Variants in LRP2 observed in about 807,000 individuals in gnomAD.
The protein encoded by LRP2 is low-density lipoprotein receptor-related protein 2.
Under a neutral mutation model 531.0 loss-of-function variants are expected in LRP2, and 172 were observed. That is an observed-to-expected ratio of 0.32 (90% CI 0.29 to 0.37). LRP2 has a LOEUF of 0.37. Ranked by LOEUF, LRP2 falls within the 10% of genes least tolerant of loss-of-function variation. The pLI is 1.00. For synonymous variants in LRP2, 1,992 were observed against 2,027.6 expected (o/e 0.98, Z 0.47); for missense variants, 5,167 against 5,868.3 (o/e 0.88, Z 3.90).
chr2:169,254,643 T>TA (rs528767921), intron 19 of LRP2, among the ~76,000 whole-genome samples: 29,295 of 73,208 alleles, frequency 0.4, 8,300 homozygotes, highest in Non-Finnish European at 0.44. Flanking sequence ...TAGAGTATAA[T>TA]AAAAAAAAAA....
intron 26 of LRP2, 47 bp downstream of exon 26, chr2:169,239,480 G>A (rs201155233): frequency 1.9e-6 from 3 of 1,613,628 alleles, no homozygotes; most frequent in East Asian, 4.5e-5. Context: ...TTGATTTTAA[G>A]CTCTGGGATG....
intron 30 of LRP2, 86 bp from the exon 31 acceptor site, chr2:169,231,928 A>G (rs1159663198): frequency 6.5e-7 from 1 of 1,530,038 alleles, no homozygotes. Flanking sequence ...GTGTCCTTCC[A>G]GAGGCCCCAG....
intron 1 of LRP2, among the ~76,000 whole-genome samples, chr2:169,331,244 C>CA (rs1685256267): frequency 6.6e-6 from 1 of 152,078 alleles, no homozygotes; most frequent in Admixed American, 6.6e-5. Flanking sequence ...ATTATCAGAG[C>CA]AAAAAAATAA....
At chr2:169,214,647 A>G (rs981762690) in intron 35 of LRP2, among the ~76,000 whole-genome samples, 9 of 152,158 alleles carry the variant, frequency 5.9e-5, no homozygotes, top group Non-Finnish European at 1.2e-4. Flanking sequence ...GAATATAAGA[A>G]ACATGAGCCT....
At chr2:169,209,694 T>G in intron 37 of LRP2, 53 bp from the exon 38 acceptor site, 1 of 1,546,192 alleles carries the variant, frequency 6.5e-7, no homozygotes, top group Non-Finnish European at 8.9e-7. Flanking sequence ...ATTAGAACTT[T>G]TAAATGTCTG....
chr2:169,335,827 A>G (rs754888379), intron 1 of LRP2, among the ~76,000 whole-genome samples: 1 of 152,182 alleles, frequency 6.6e-6, no homozygotes, highest in Non-Finnish European at 1.5e-5. Context: ...CAGCCTGGCC[A>G]GCATGGCAAA....
chr2:169,301,288 C>A (rs1271592361), intron 4 of LRP2, among the ~76,000 whole-genome samples: 4 of 151,744 alleles, frequency 2.6e-5, no homozygotes, highest in Non-Finnish European at 5.9e-5. Context: ...ATTGAATGAC[C>A]TATAATTGCT....
Position 169,257,162 on chromosome 2 carries a change from A to T in LRP2, c.2601T>A (p.Thr867=). The change falls in exon 18 of 79, where the codon ACT becomes ACA. Residue 867 remains threonine (T), a synonymous_variant. Coordinates refer to ENST00000649046, the MANE Select transcript of LRP2 (RefSeq NM_004525.3). ...DGSHLLPVIN[T]TLGWPNGLAI... is the part of the protein sequence containing the mutation. ...CCAAGCCATTGGGCCATCCAAGAGT[A>T]GTGTTTATTACAGGCAAGAGGTGAG... is the stretch of plus-strand genomic sequence containing the variant. 1 of 1,612,972 alleles carries T rather than the reference A, an allele frequency of 6.2e-7. No individual in the cohort carries two copies. The highest frequency in any genetic ancestry group is 8.5e-7 in the Non-Finnish European group (1 of 1,179,218).
At chr2:169,176,074 G>A (rs1199025646) in intron 54 of LRP2, among the ~76,000 whole-genome samples, 3 of 152,232 alleles carry the variant, frequency 2.0e-5, no homozygotes, top group African/African-American at 7.2e-5. Context: ...GGAAAAGACA[G>A]TGAAATTCTA....
At chr2:169,225,184 A>G (rs943114683) in intron 33 of LRP2, 126 bp downstream of exon 33, 18 of 969,806 alleles carry the variant, frequency 1.9e-5, no homozygotes, top group Non-Finnish European at 2.5e-5. Context: ...GTTAACACTA[A>G]TATCTTTTCC....
rs184288965 is a variant in LRP2, at chr2:169,269,740, C to A, written c.2320+1164G>T. On this transcript the variant is annotated intron_variant, in intron 16 of 78. Transcript: ENST00000649046. ...ACACCAAAAGCAATGGCAACAAAAGCCAAAATTGACAAATGGGATCTAATT... is the reference window on the plus strand; with the variant it reads ...ACACCAAAAGCAATGGCAACAAAAGACAAAATTGACAAATGGGATCTAATT... Among the ~76,000 whole-genome samples, 13 of 152,190 alleles carry A rather than the reference C, an allele frequency of 8.5e-5. No homozygotes were observed. In the East Asian group the frequency reaches 1.7e-3, roughly 20 times the overall value.
chr2:169,222,887 A>T (rs1689069709), intron 33 of LRP2, among the ~76,000 whole-genome samples: 2 of 152,172 alleles, frequency 1.3e-5, no homozygotes, highest in South Asian at 4.1e-4. Flanking sequence ...GCTCACAAGT[A>T]ACCATGAATG....
intron 3 of LRP2, among the ~76,000 whole-genome samples, chr2:169,311,076 T>G (rs895891201): frequency 1.1e-4 from 16 of 152,206 alleles, no homozygotes; most frequent in Non-Finnish European, 1.8e-4. Flanking sequence ...ATTGTGTCTA[T>G]TTGATTCTTC....
At position 169,314,245 on chromosome 2, in the gene LRP2, A is replaced by T. The variant is rs571681461; in HGVS notation, c.310+4517T>A. ...GATCCTTATATCTTAAAAGAAAAAA[A>T]AAATAAATTTAGCTGGGCACAGTGG... On this transcript the variant is annotated intron_variant, in intron 3 of 78. Transcript: ENST00000649046. Among the ~76,000 whole-genome samples the T allele has an allele frequency of 3.5e-3, 485 of 140,472 alleles. 2 individuals carry two copies. Among genetic ancestry groups the T allele is most frequent in the African/African-American group, 0.013 (455 of 34,240 alleles). 92.2% of individuals were successfully genotyped at this position (140,472 alleles called of 152,430 possible). A position where few individuals can be genotyped will look rare whatever the true frequency, so the allele number is the denominator to read the frequency against.
intron 1 of LRP2, among the ~76,000 whole-genome samples, chr2:169,332,926 G>C (rs1685304718): frequency 6.6e-6 from 1 of 152,202 alleles, no homozygotes; most frequent in African/African-American, 2.4e-5. Context: ...ATGAATAACT[G>C]AGTTGCACAC....
chr2:169,193,402 G>T (rs1687895907), intron 47 of LRP2, among the ~76,000 whole-genome samples: 1 of 144,630 alleles, frequency 6.9e-6, no homozygotes, highest in Non-Finnish European at 1.5e-5. Context: ...CTGCACTCCA[G>T]CCTGGGCAAC....
chr2:169,293,963 C>T (rs1039238556), intron 6 of LRP2, among the ~76,000 whole-genome samples, 185 bp downstream of exon 6: 1 of 152,098 alleles, frequency 6.6e-6, no homozygotes, highest in African/African-American at 2.4e-5. Context: ...GGTCGAGCAA[C>T]ACCACAAAGG....
At chr2:169,235,689 T>C (rs767504861) in intron 29 of LRP2, 151 bp downstream of exon 29, 19 of 694,744 alleles carry the variant, frequency 2.7e-5, no homozygotes, top group Non-Finnish European at 4.4e-5. Flanking sequence ...TCATATGGGA[T>C]AGACTGCCTC....
chr2:169,238,253 G>T lies in LRP2; in HGVS notation c.4344C>A (p.Ala1448=). The T allele has an allele frequency of 6.2e-7, 1 of 1,614,028 alleles. No individual in the cohort carries two copies. The highest frequency in any genetic ancestry group is 8.5e-7 in the Non-Finnish European group (1 of 1,179,990). The change falls in exon 27 of 79, where the codon GCC becomes GCA. Residue 1448 remains alanine (A), a synonymous_variant. Transcript: ENST00000649046. ...TGTGGACCTGGGAGGTGACACTGTC[G>T]GCAATAATTTTGTTCTGACTTGCCA... ...LLVASQNKII[A]DSVTSQVHNI...
Sources: gnomAD v4.1 joint callset for allele counts (sites outside exome capture counted in the v4.1 genomes callset) on GRCh38, gnomAD v4.1.1 for gene constraint, MANE v1.5 for transcripts, NCBI Gene and HGNC (gene_info 2026-07-23, HGNC 2026-07-21) for gene names.